Variants in HIBADH observed in about 807,000 individuals in gnomAD.
HIBADH encodes 3-hydroxyisobutyrate dehydrogenase, mitochondrial.
A neutral mutation model predicts 36.1 loss-of-function variants in HIBADH; 25 were observed. That is an observed-to-expected ratio of 0.69 (90% CI 0.50 to 0.97). HIBADH has a LOEUF of 0.97. Ranked by LOEUF, HIBADH falls within the 50% of genes least tolerant of loss-of-function variation. The pLI is 0.00. For missense variants in HIBADH, 421 were observed against 418.0 expected (o/e 1.01, Z -0.06); for synonymous variants, 160 against 149.5 (o/e 1.07, Z -0.51).
chr7:27,614,279 T>C (rs1785387795), intron 4 of HIBADH, among the ~76,000 whole-genome samples: 3 of 152,184 alleles, frequency 2.0e-5, no homozygotes, highest in Admixed American at 2.0e-4. Flanking sequence ...GCACCTAATA[T>C]TACAATACAA....
chr7:27,648,830 T>C (rs1786123908), intron 2 of HIBADH, among the ~76,000 whole-genome samples: 1 of 152,214 alleles, frequency 6.6e-6, no homozygotes, highest in Non-Finnish European at 1.5e-5. Flanking sequence ...AGATCCACTA[T>C]AACTCAACTC....
intron 4 of HIBADH, among the ~76,000 whole-genome samples, chr7:27,584,905 A>C (rs906947027): frequency 2.6e-5 from 4 of 151,998 alleles, no homozygotes; most frequent in African/African-American, 9.7e-5. Context: ...TTATTAGAAA[A>C]ATAATTTTCA....
intron 2 of HIBADH, among the ~76,000 whole-genome samples, chr7:27,635,012 G>A (rs1392075802): frequency 6.6e-6 from 1 of 152,142 alleles, no homozygotes; most frequent in Non-Finnish European, 1.5e-5. Context: ...TAGCTGGAAT[G>A]TCACCACTGT....
chr7:27,650,646 C>T (rs1187446099), intron 1 of HIBADH, among the ~76,000 whole-genome samples: 1 of 150,474 alleles, frequency 6.6e-6, no homozygotes, highest in Non-Finnish European at 1.5e-5. Context: ...ACACGCACCA[C>T]CATGCCTGGC....
At chr7:27,595,735 G>A (rs1024716703) in intron 4 of HIBADH, among the ~76,000 whole-genome samples, 10 of 151,922 alleles carry the variant, frequency 6.6e-5, no homozygotes, top group Admixed American at 3.3e-4. Context: ...AAAGATCAAT[G>A]CCTAGCACAG....
chr7:27,540,314 A>G (rs1466032724), intron 5 of HIBADH, among the ~76,000 whole-genome samples: 1 of 152,102 alleles, frequency 6.6e-6, no homozygotes, highest in Non-Finnish European at 1.5e-5. Flanking sequence ...CTTCCTCATC[A>G]TCTGGTACTG....
intron 2 of HIBADH, among the ~76,000 whole-genome samples, chr7:27,634,690 T>C (rs547807710): frequency 5.9e-5 from 9 of 152,240 alleles, no homozygotes; most frequent in Non-Finnish European, 1.2e-4. Context: ...AACTCTCTCT[T>C]AGGAATTGAG....
At chr7:27,594,137 TG>T (rs1784987815) in intron 4 of HIBADH, among the ~76,000 whole-genome samples, 1 of 58,934 alleles carries the variant, frequency 1.7e-5, no homozygotes, top group Admixed American at 1.5e-4. Context: ...TACATAAAGA[TG>T]TTTTTGTTTT....
intron 3 of HIBADH, among the ~76,000 whole-genome samples, chr7:27,630,715 A>C (rs933601274): frequency 2.0e-5 from 3 of 152,176 alleles, no homozygotes; most frequent in African/African-American, 7.2e-5. Context: ...AGACTAGGCA[A>C]CATAGCAAGA....
At chr7:27,609,357 G>T (rs1785285707) in intron 4 of HIBADH, among the ~76,000 whole-genome samples, 1 of 152,122 alleles carries the variant, frequency 6.6e-6, no homozygotes, top group Non-Finnish European at 1.5e-5. Context: ...TGTAAAAAGA[G>T]ATTTTTATGG....
intron 7 of HIBADH, among the ~76,000 whole-genome samples, chr7:27,530,554 C>A (rs2391438): frequency 0.76 from 113,919 of 150,526 alleles, 43,565 homozygotes; most frequent in East Asian, 0.94. Context: ...AACAAACAAA[C>A]AAAAACCAAC....
At chr7:27,588,297 G>T (rs1243044409) in intron 4 of HIBADH, among the ~76,000 whole-genome samples, 1 of 152,062 alleles carries the variant, frequency 6.6e-6, no homozygotes, top group Non-Finnish European at 1.5e-5. Context: ...ATAAATACAA[G>T]GCAAGAAGTT....
chr7:27,565,700 G>C (rs540564973), intron 4 of HIBADH, among the ~76,000 whole-genome samples: 1 of 152,260 alleles, frequency 6.6e-6, no homozygotes, highest in South Asian at 2.1e-4. Context: ...AGTGAGAGTA[G>C]ATATCCTGTG....
intron 4 of HIBADH, among the ~76,000 whole-genome samples, chr7:27,563,991 C>T (rs1482329209): frequency 5.9e-5 from 9 of 151,456 alleles, no homozygotes; most frequent in East Asian, 1.9e-4. Flanking sequence ...CTCTGCCTCC[C>T]GGATTCACGC....
At chr7:27,621,278 C>T (rs1409394780) in intron 4 of HIBADH, among the ~76,000 whole-genome samples, 1 of 151,946 alleles carries the variant, frequency 6.6e-6, no homozygotes, top group Non-Finnish European at 1.5e-5. Context: ...TAGTTGGGGG[C>T]TTCAACACCC....
At chr7:27,661,281 G>A (rs1220331402) in intron 1 of HIBADH, among the ~76,000 whole-genome samples, 1 of 152,140 alleles carries the variant, frequency 6.6e-6, no homozygotes, top group Non-Finnish European at 1.5e-5. Flanking sequence ...AGAATGGGAA[G>A]CTGTTAAGAA....
chr7:27,538,501 G>T, intron 5 of HIBADH, 84 bp from the exon 6 acceptor site: 1 of 1,102,148 alleles, frequency 9.1e-7, no homozygotes, highest in Non-Finnish European at 1.4e-6. Flanking sequence ...AATTCCAGGG[G>T]CTGCTTTCTA....
At chr7:27,585,603 G>A (rs1481262524) in intron 4 of HIBADH, among the ~76,000 whole-genome samples, 1 of 152,122 alleles carries the variant, frequency 6.6e-6, no homozygotes, top group Non-Finnish European at 1.5e-5. Flanking sequence ...GGGATGATAT[G>A]AGAAATAATT....
Position 27,611,971 on chromosome 7 carries a change from C to T in HIBADH, c.484+17400G>A, listed in dbSNP as rs1271067205. On this transcript the variant is annotated intron_variant, in intron 4 of 7. Transcript: ENST00000265395. ...TCCAAAAGAGCACTCTCAATACTTT[C>T]TATCTCCCAAACTGTTACTCTTCCT... Among the ~76,000 whole-genome samples the T allele has an allele frequency of 3.3e-5, 5 of 152,200 alleles. No individual in the cohort carries two copies. The East Asian group carries it at 7.7e-4, about 23-fold the overall frequency.
Sources: gnomAD v4.1 joint callset for allele counts (sites outside exome capture counted in the v4.1 genomes callset) on GRCh38, gnomAD v4.1.1 for gene constraint, MANE v1.5 for transcripts, NCBI Gene and HGNC (gene_info 2026-07-23, HGNC 2026-07-21) for gene names.